Variants in PPP3CA observed in about 807,000 individuals in gnomAD.
PPP3CA encodes the protein protein phosphatase 3 catalytic subunit alpha.
In PPP3CA, 14 loss-of-function variants were observed where a neutral mutation model predicts 66.5. The ratio of observed to expected loss-of-function variants is 0.21; its 90% confidence interval spans 0.14 to 0.33. The LOEUF is 0.33. Among genes scored for constraint, PPP3CA ranks in the 10% least tolerant of loss-of-function variants. The pLI, the probability that PPP3CA is intolerant of heterozygous loss-of-function variation, is 1.00. For synonymous variants in PPP3CA, 232 were observed against 226.2 expected (o/e 1.03, Z -0.23); for missense variants, 317 against 639.5 (o/e 0.50, Z 5.44).
At chr4:101,314,357 G>A (rs1728819577) in intron 1 of PPP3CA, among the ~76,000 whole-genome samples, 1 of 151,920 alleles carries the variant, frequency 6.6e-6, no homozygotes, top group Non-Finnish European at 1.5e-5. Context: ...GAGGTCAGGA[G>A]ATCAAGACCA....
At chr4:101,098,693 A>G (rs962522138) in intron 4 of PPP3CA, among the ~76,000 whole-genome samples, 181 bp from the exon 5 acceptor site, 17 of 152,098 alleles carry the variant, frequency 1.1e-4, no homozygotes, top group African/African-American at 3.9e-4. Flanking sequence ...TTTTATATCT[A>G]GTATTTCCTG....
chr4:101,294,278 G>A (rs1184800629), intron 1 of PPP3CA, among the ~76,000 whole-genome samples: 5 of 152,176 alleles, frequency 3.3e-5, no homozygotes, highest in African/African-American at 1.2e-4. Flanking sequence ...CAGTACTAAC[G>A]TGGGACTCCA....
intron 2 of PPP3CA, among the ~76,000 whole-genome samples, chr4:101,113,551 C>T (rs1353850813): frequency 2.0e-5 from 3 of 152,106 alleles, no homozygotes; most frequent in Non-Finnish European, 4.4e-5. Context: ...AGGCTGATAA[C>T]ACCACATGTC....
At chr4:101,059,501 T>C (rs909652260) in intron 10 of PPP3CA, among the ~76,000 whole-genome samples, 13 of 152,168 alleles carry the variant, frequency 8.5e-5, no homozygotes, top group African/African-American at 2.4e-4. Context: ...CCTGAGTATA[T>C]AGACTCTATT....
intron 2 of PPP3CA, among the ~76,000 whole-genome samples, chr4:101,177,486 T>G (rs1191998191): frequency 1.3e-5 from 2 of 152,098 alleles, no homozygotes; most frequent in Non-Finnish European, 2.9e-5. Context: ...ATACTATTAT[T>G]TTCACCCTCC....
At chr4:101,125,944 C>T (rs1397367447) in intron 2 of PPP3CA, among the ~76,000 whole-genome samples, 1 of 152,126 alleles carries the variant, frequency 6.6e-6, no homozygotes, top group Non-Finnish European at 1.5e-5. Context: ...ATGGAACTTG[C>T]TTTCTTTTCA....
chr4:101,148,589 C>G (rs1348342848), intron 2 of PPP3CA, among the ~76,000 whole-genome samples: 1 of 152,096 alleles, frequency 6.6e-6, no homozygotes, highest in East Asian at 1.9e-4. Flanking sequence ...CTTTTGTGAG[C>G]TGAATTCCCG....
chr4:101,334,712 G>A (rs1261638252), intron 1 of PPP3CA, among the ~76,000 whole-genome samples: 1 of 152,122 alleles, frequency 6.6e-6, no homozygotes, highest in East Asian at 1.9e-4. Context: ...GCACTTTGAA[G>A]TCACCCCAAA....
At chr4:101,234,131 T>C (rs1373953363) in intron 1 of PPP3CA, among the ~76,000 whole-genome samples, 5 of 151,836 alleles carry the variant, frequency 3.3e-5, no homozygotes, top group Admixed American at 3.3e-4. Context: ...ATTTTCTTTA[T>C]CCAATCTGCC....
chr4:101,069,859 C>G (rs535341757), intron 8 of PPP3CA, among the ~76,000 whole-genome samples: 1 of 152,134 alleles, frequency 6.6e-6, no homozygotes, highest in East Asian at 1.9e-4. Flanking sequence ...GTATTATATA[C>G]TATAAGAATA....
At chr4:101,055,585 T>G (rs965337340) in intron 10 of PPP3CA, among the ~76,000 whole-genome samples, 5 of 152,246 alleles carry the variant, frequency 3.3e-5, no homozygotes, top group African/African-American at 1.2e-4. Flanking sequence ...AGCAATCTTT[T>G]TCCAGACAGC....
intron 1 of PPP3CA, among the ~76,000 whole-genome samples, chr4:101,307,042 GTATTGTAGGTGTT>G (rs1402141340): frequency 6.6e-6 from 1 of 151,924 alleles, no homozygotes; most frequent in Non-Finnish European, 1.5e-5. Flanking sequence ...GCTACTGGTG[GTATTGTAGGTGTT>G]ACAGCTCTAT....
At chr4:101,317,445 AC>A (rs956874760) in intron 1 of PPP3CA, among the ~76,000 whole-genome samples, 52 of 152,182 alleles carry the variant, frequency 3.4e-4, no homozygotes, top group African/African-American at 1.3e-3. Context: ...TTAATGCAAG[AC>A]TAAACATTCC....
At chr4:101,060,458 G>A (rs1400096058) in intron 10 of PPP3CA, among the ~76,000 whole-genome samples, 3 of 152,024 alleles carry the variant, frequency 2.0e-5, no homozygotes, top group Admixed American at 2.0e-4. Flanking sequence ...AGGTGCTTTT[G>A]TAAGACTCAG....
intron 1 of PPP3CA, among the ~76,000 whole-genome samples, chr4:101,206,426 C>A (rs1169363465): frequency 6.6e-6 from 1 of 152,184 alleles, no homozygotes. Flanking sequence ...AATAAAGCTA[C>A]AACAAACTGC....
At chr4:101,186,936 T>G (rs1724429764) in intron 2 of PPP3CA, among the ~76,000 whole-genome samples, 1 of 152,152 alleles carries the variant, frequency 6.6e-6, no homozygotes, top group African/African-American at 2.4e-5. Flanking sequence ...AACAAAAATT[T>G]ACTACTCATT....
chr4:101,232,040 C>G lies in PPP3CA; in HGVS notation c.59-35924G>C, dbSNP rs191300139. On this transcript the variant is annotated intron_variant, in intron 1 of 13. Coordinates refer to ENST00000394854, the MANE Select transcript of PPP3CA (RefSeq NM_000944.5). Reference sequence around the variant, plus strand: ...GATATAAGCTCCCCAAGATCAAGACCATCATCAAATTGACCTCTGTCATCA... The same window carrying G: ...GATATAAGCTCCCCAAGATCAAGACGATCATCAAATTGACCTCTGTCATCA... Among the ~76,000 whole-genome samples the G allele has an allele frequency of 4.6e-5, 7 of 151,694 alleles. No individual in the cohort carries two copies. The East Asian group carries it at 1.4e-3, about 30-fold the overall frequency.
intron 1 of PPP3CA, among the ~76,000 whole-genome samples, chr4:101,237,093 AT>A (rs1726154829): frequency 1.3e-5 from 2 of 150,374 alleles, no homozygotes; most frequent in African/African-American, 4.9e-5. Context: ...TAGTATTGTT[AT>A]TTTAACTATG....
chr4:101,034,227 G>A (rs1727140900), intron 11 of PPP3CA, among the ~76,000 whole-genome samples: 1 of 152,036 alleles, frequency 6.6e-6, no homozygotes. Context: ...CTCCACTGAG[G>A]GGCGCTGCAC....
Sources: gnomAD v4.1 joint callset for allele counts (sites outside exome capture counted in the v4.1 genomes callset) on GRCh38, gnomAD v4.1.1 for gene constraint, MANE v1.5 for transcripts, NCBI Gene and HGNC (gene_info 2026-07-23, HGNC 2026-07-21) for gene names.